SLCO3A1: variants seen among roughly 807,000 people sequenced by gnomAD.
SLCO3A1 encodes PGE1 transporter.
SLCO3A1 carries 27 observed loss-of-function variants against 63.1 expected under a neutral mutation model. The ratio of observed to expected loss-of-function variants is 0.43; its 90% CI spans 0.32 to 0.59. The LOEUF is 0.59. SLCO3A1 is among the 20% of genes least tolerant of loss of function. The pLI, the probability that SLCO3A1 is intolerant of heterozygous loss-of-function variation, is 0.09. For missense variants in SLCO3A1, 773 were observed against 945.8 expected (o/e 0.82, Z 2.40); for synonymous variants, 473 against 409.9 (o/e 1.15, Z -1.86).
intron 7 of SLCO3A1, among the ~76,000 whole-genome samples, chr15:92,146,683 CCT>C (rs1204702791): frequency 6.6e-6 from 1 of 152,162 alleles, no homozygotes; most frequent in Non-Finnish European, 1.5e-5. Flanking sequence ...AGCGCAATTT[CCT>C]CTCTAATTGT....
chr15:92,146,906 A>T, intron 7 of SLCO3A1, 78 bp from the exon 8 acceptor site: 1 of 1,342,844 alleles, frequency 7.4e-7, no homozygotes. Context: ...AGGCTGTGAC[A>T]GATTCAGCTG....
At chr15:92,109,200 G>T (rs952354676) in intron 4 of SLCO3A1, among the ~76,000 whole-genome samples, 3 of 152,312 alleles carry the variant, frequency 2.0e-5, no homozygotes, top group Middle Eastern at 3.4e-3. Flanking sequence ...CCACTTACCA[G>T]TAAGGCAAGT....
intron 4 of SLCO3A1, 39 bp from the exon 5 acceptor site, chr15:92,120,426 G>A: frequency 6.2e-7 from 1 of 1,602,234 alleles, no homozygotes; most frequent in Non-Finnish European, 8.5e-7. Flanking sequence ...CACAGGGTGT[G>A]ACCTTGACCC....
At chr15:92,006,978 T>C (rs1159667570) in intron 2 of SLCO3A1, among the ~76,000 whole-genome samples, 1 of 152,234 alleles carries the variant, frequency 6.6e-6, no homozygotes, top group Non-Finnish European at 1.5e-5. Flanking sequence ...CGTTAATTGA[T>C]AGTTTGGGAA....
chr15:92,065,042 G>A (rs1347678572), intron 2 of SLCO3A1, among the ~76,000 whole-genome samples: 1 of 151,582 alleles, frequency 6.6e-6, no homozygotes, highest in Non-Finnish European at 1.5e-5. Context: ...TAATGGTTGA[G>A]GTGATAGATA....
At chr15:92,159,057 T>A (rs1567153994) in intron 9 of SLCO3A1, among the ~76,000 whole-genome samples, 1 of 152,074 alleles carries the variant, frequency 6.6e-6, no homozygotes, top group Non-Finnish European at 1.5e-5. Flanking sequence ...GGCGAAACAC[T>A]CACACACACA....
At chr15:91,902,857 G>A (rs1476808559) in intron 1 of SLCO3A1, among the ~76,000 whole-genome samples, 3 of 152,078 alleles carry the variant, frequency 2.0e-5, no homozygotes, top group Admixed American at 6.5e-5. Context: ...CAAGACCTTC[G>A]GCAAATTACT....
At chr15:91,879,225 T>A (rs748328855) in intron 1 of SLCO3A1, among the ~76,000 whole-genome samples, 11 of 152,140 alleles carry the variant, frequency 7.2e-5, no homozygotes, top group Non-Finnish European at 1.3e-4. Context: ...TGACCCTGAG[T>A]GGGTGCCTAT....
intron 2 of SLCO3A1, among the ~76,000 whole-genome samples, chr15:92,005,989 C>A (rs1214026884): frequency 2.0e-5 from 3 of 152,100 alleles, no homozygotes; most frequent in African/African-American, 7.2e-5. Context: ...GGGTTAAAAA[C>A]GTCTTGTATG....
chr15:92,007,753 G>T (rs1328259999), intron 2 of SLCO3A1, among the ~76,000 whole-genome samples: 5 of 152,082 alleles, frequency 3.3e-5, no homozygotes, highest in Non-Finnish European at 7.4e-5. Context: ...AAGTTTTGGG[G>T]CATCATGCAT....
intron 2 of SLCO3A1, among the ~76,000 whole-genome samples, chr15:92,088,795 C>T (rs1302463667): frequency 1.3e-5 from 2 of 152,298 alleles, no homozygotes; most frequent in East Asian, 1.9e-4. Context: ...CGGACTCCCT[C>T]TTCACATTTA....
At position 91,916,933 on chromosome 15, in the gene SLCO3A1, C is replaced by G. The variant is rs138185653; in HGVS notation, c.646+475C>G. On this transcript the variant is annotated intron_variant, in intron 2 of 9. Transcript: ENST00000318445. The surrounding 1 kb of genome is among the most constrained non-coding windows in gnomAD (Gnocchi z 6.2). ...GGCATCATTCGAAGTTGGTGACTTC[C>G]GGTAATTTTTTCAATAATGGAAGTA... Among the ~76,000 whole-genome samples the G allele has an allele frequency of 1.3e-5, 2 of 152,092 alleles. No individual in the cohort carries two copies. Among genetic ancestry groups the G allele is most frequent in the African/African-American group, 2.4e-5 (1 of 41,446 alleles).
chr15:91,986,603 A>C (rs929770963), intron 2 of SLCO3A1, among the ~76,000 whole-genome samples: 3 of 152,272 alleles, frequency 2.0e-5, no homozygotes, highest in Admixed American at 1.3e-4. Context: ...AAAAAAAAAA[A>C]AACTAGGTTT....
chr15:91,887,236 A>G (rs1240738201), intron 1 of SLCO3A1, among the ~76,000 whole-genome samples: 1 of 152,104 alleles, frequency 6.6e-6, no homozygotes, highest in Non-Finnish European at 1.5e-5. Flanking sequence ...TTCTCTTTAG[A>G]ATATTGTCAT....
intron 2 of SLCO3A1, among the ~76,000 whole-genome samples, chr15:91,998,044 G>A (rs190474548): frequency 3.3e-5 from 5 of 152,300 alleles, no homozygotes; most frequent in Non-Finnish European, 7.3e-5. Context: ...TATCAATAGA[G>A]TAAACAGCCA....
At chr15:92,107,562 T>A (rs1351895959) in intron 4 of SLCO3A1, among the ~76,000 whole-genome samples, 1 of 152,244 alleles carries the variant, frequency 6.6e-6, no homozygotes, top group Admixed American at 6.5e-5. Flanking sequence ...TTCAATAAGC[T>A]GAACGGCGTT....
In SLCO3A1 at chr15:91,916,267, C is replaced by T; in HGVS notation, c.455C>T (p.Ala152Val). 6.4e-7 allele frequency: 1 copy of T among 1,555,564 alleles called. No individual in the cohort carries two copies. The highest frequency in any genetic ancestry group is 8.7e-7 in the Non-Finnish European group (1 of 1,152,570). Residue 152 changes from alanine (A) to valine (V), a missense_variant, in exon 2 of 10, where the codon GCC (alanine) becomes GTC (valine). Transcript: ENST00000318445. The surrounding 1 kb of genome is among the most constrained non-coding windows in gnomAD (Gnocchi z 6.2). ...WGAEGRDVCAANGSGGDEGPD... is the reference protein window; with the variant it reads ...WGAEGRDVCAVNGSGGDEGPD... ...GCCGAGGGCCGCGACGTCTGCGCAG[C>T]CAACGGCTCGGGCGGCGACGAGGGG... is the stretch of plus-strand genomic sequence containing the variant.
At chr15:92,029,553 T>C (rs1185847788) in intron 2 of SLCO3A1, among the ~76,000 whole-genome samples, 1 of 152,200 alleles carries the variant, frequency 6.6e-6, no homozygotes, top group Non-Finnish European at 1.5e-5. Context: ...AAGAAATACA[T>C]ATTCTCTGTA....
At chr15:92,039,898 G>C (rs539345782) in intron 2 of SLCO3A1, among the ~76,000 whole-genome samples, 1 of 152,286 alleles carries the variant, frequency 6.6e-6, no homozygotes, top group Admixed American at 6.5e-5. Flanking sequence ...AAAGGAATGA[G>C]ATCATGTCCT....
Sources: gnomAD v4.1 joint callset for allele counts (sites outside exome capture counted in the v4.1 genomes callset) on GRCh38, gnomAD v4.1.1 for gene constraint, Gnocchi (gnomAD v3.1) non-coding constraint, MANE v1.5 for transcripts, NCBI Gene and HGNC (gene_info 2026-07-23, HGNC 2026-07-21) for gene names.